Variants in LDB2 observed in about 807,000 individuals in gnomAD.
The protein encoded by LDB2 is LIM domain-binding protein 2.
LDB2 carries 12 observed loss-of-function variants against 44.3 expected under a neutral mutation model. The ratio of observed to expected loss-of-function variants is 0.27; its 90% CI spans 0.17 to 0.44. The LOEUF is 0.44. LDB2 is among the 20% of genes least tolerant of loss of function. The pLI, the probability that LDB2 is intolerant of heterozygous loss-of-function variation, is 1.00. For missense variants in LDB2, 344 were observed against 473.5 expected (o/e 0.73, Z 2.54); for synonymous variants, 164 against 174.8 (o/e 0.94, Z 0.49).
chr4:16,538,388 G>A (rs1402463829), intron 5 of LDB2, among the ~76,000 whole-genome samples: 1 of 129,258 alleles, frequency 7.7e-6, no homozygotes, highest in Non-Finnish European at 1.8e-5. Context: ...TATACCTGCT[G>A]GAAAGGAATC....
chr4:16,883,735 C>A (rs1331095005), intron 1 of LDB2, among the ~76,000 whole-genome samples: 1 of 152,172 alleles, frequency 6.6e-6, no homozygotes, highest in East Asian at 1.9e-4. Context: ...CAGCACATCT[C>A]TTCTGGTTTC....
intron 1 of LDB2, among the ~76,000 whole-genome samples, chr4:16,877,250 T>A (rs1028326673): frequency 2.6e-5 from 4 of 152,232 alleles, no homozygotes; most frequent in African/African-American, 9.6e-5. Context: ...CGAATCATTC[T>A]CTTTTCCTTC....
At chr4:16,695,506 A>G (rs555112162) in intron 2 of LDB2, among the ~76,000 whole-genome samples, 21 of 152,270 alleles carry the variant, frequency 1.4e-4, no homozygotes, top group African/African-American at 4.3e-4. Flanking sequence ...AAAACATTGT[A>G]AAAAGAAGTT....
At chr4:16,526,294 C>T (rs950352246) in intron 5 of LDB2, among the ~76,000 whole-genome samples, 1 of 152,180 alleles carries the variant, frequency 6.6e-6, no homozygotes, top group Non-Finnish European at 1.5e-5. Context: ...GACATCAGAA[C>T]TTCAGGTTCT....
At chr4:16,524,388 A>T (rs1203630425) in intron 5 of LDB2, among the ~76,000 whole-genome samples, 1 of 152,182 alleles carries the variant, frequency 6.6e-6, no homozygotes, top group Non-Finnish European at 1.5e-5. Flanking sequence ...TTAAGTTGAG[A>T]CATACAAAGA....
chr4:16,713,030 A>G (rs1225361602), intron 2 of LDB2, among the ~76,000 whole-genome samples: 2 of 152,270 alleles, frequency 1.3e-5, no homozygotes, highest in African/African-American at 2.4e-5. Flanking sequence ...ATAGAAAGGA[A>G]CGAAGTAATG....
At chr4:16,698,432 G>A (rs550977427) in intron 2 of LDB2, among the ~76,000 whole-genome samples, 14 of 152,154 alleles carry the variant, frequency 9.2e-5, no homozygotes, top group Admixed American at 7.2e-4. Flanking sequence ...CACCTCACAG[G>A]TCCCCATTAT....
chr4:16,770,256 G>A (rs1363682063), intron 1 of LDB2, among the ~76,000 whole-genome samples: 1 of 152,046 alleles, frequency 6.6e-6, no homozygotes, highest in African/African-American at 2.4e-5. Flanking sequence ...CACATGGCAG[G>A]AAGACAACAA....
chr4:16,744,702 T>C (rs915059133), intron 2 of LDB2, among the ~76,000 whole-genome samples: 1 of 152,060 alleles, frequency 6.6e-6, no homozygotes, highest in African/African-American at 2.4e-5. Context: ...GGTCTCGATC[T>C]CCTAACCTCG....
intron 5 of LDB2, among the ~76,000 whole-genome samples, chr4:16,575,370 C>A (rs938886343): frequency 1.3e-5 from 2 of 152,086 alleles, no homozygotes; most frequent in Admixed American, 1.3e-4. Context: ...AAAAATAACA[C>A]CCCACTTTCA....
At chr4:16,508,218 G>T (rs759631810) in intron 7 of LDB2, among the ~76,000 whole-genome samples, 1 of 152,228 alleles carries the variant, frequency 6.6e-6, no homozygotes, top group African/African-American at 2.4e-5. Flanking sequence ...ACGCCACCAG[G>T]CATGCTGCTA....
intron 5 of LDB2, among the ~76,000 whole-genome samples, chr4:16,541,621 T>A (rs1358890686): frequency 6.6e-6 from 1 of 152,188 alleles, no homozygotes; most frequent in East Asian, 1.9e-4. Flanking sequence ...CTGAGCAGCA[T>A]CAAGAAAATC....
chr4:16,649,369 G>A (rs1737641674), intron 2 of LDB2, among the ~76,000 whole-genome samples: 1 of 152,042 alleles, frequency 6.6e-6, no homozygotes, highest in African/African-American at 2.4e-5. Flanking sequence ...CTTTCCTTAG[G>A]TTTCTGAACA....
intron 2 of LDB2, among the ~76,000 whole-genome samples, chr4:16,731,011 T>C (rs74776248): frequency 0.02 from 2,972 of 152,188 alleles, 40 homozygotes; most frequent in Non-Finnish European, 0.028. Context: ...TCCCACACTT[T>C]CCTCAAGGGA....
At chr4:16,754,798 C>T (rs984106647) in intron 2 of LDB2, among the ~76,000 whole-genome samples, 1 of 152,194 alleles carries the variant, frequency 6.6e-6, no homozygotes, top group African/African-American at 2.4e-5. Context: ...TCCTAAAGTG[C>T]TGGGATTACA....
At chr4:16,699,278 T>G (rs190176577) in intron 2 of LDB2, among the ~76,000 whole-genome samples, 1 of 152,358 alleles carries the variant, frequency 6.6e-6, no homozygotes, top group South Asian at 2.1e-4. Context: ...AATAAAAGAT[T>G]CTGCCATTCC....
chr4:16,691,039 A>T (rs1162751042), intron 2 of LDB2, among the ~76,000 whole-genome samples: 1 of 152,108 alleles, frequency 6.6e-6, no homozygotes, highest in African/African-American at 2.4e-5. Flanking sequence ...ATGTTCTTTA[A>T]TGATATCTAA....
chr4:16,674,201 T>C (rs1338974434), intron 2 of LDB2: 1 of 1,273,402 alleles, frequency 7.9e-7, no homozygotes, highest in African/African-American at 1.5e-5. Context: ...ATGAGGTACC[T>C]TTGGTCAAAC....
At chr4:16,831,847 A>G (rs1349075317) in intron 1 of LDB2, among the ~76,000 whole-genome samples, 1 of 152,160 alleles carries the variant, frequency 6.6e-6, no homozygotes, top group Non-Finnish European at 1.5e-5. Flanking sequence ...GGGAGCTATG[A>G]TTAAAGTGAA....
Sources: gnomAD v4.1 joint callset for allele counts (sites outside exome capture counted in the v4.1 genomes callset) on GRCh38, gnomAD v4.1.1 for gene constraint, MANE v1.5 for transcripts, NCBI Gene and HGNC (gene_info 2026-07-23, HGNC 2026-07-21) for gene names.